TPM3: variants seen among roughly 807,000 people sequenced by gnomAD.
TPM3 encodes tropomyosin 3, also known as tropomyosin alpha-3 chain.
Under a neutral mutation model 43.1 loss-of-function variants are expected in TPM3, and 16 were observed. That is an observed-to-expected ratio of 0.37 (90% CI 0.25 to 0.56). TPM3 has a LOEUF of 0.56. TPM3 is among the 20% of genes least tolerant of loss of function. The pLI is 0.77. For missense variants in TPM3, 176 were observed against 337.2 expected, an observed-to-expected ratio of 0.52 and a Z score of 3.74; for synonymous variants, 101 against 116.9, an observed-to-expected ratio of 0.86 and a Z score of 0.88.
At chr1:154,183,324 T>C (rs1663198215) in intron 2 of TPM3, 4 of 1,467,120 alleles carry the variant, frequency 2.7e-6, no homozygotes, top group East Asian at 2.5e-5. Flanking sequence ...CGGCAGGGAG[T>C]GGATCCTCCC....
intron 2 of TPM3, among the ~76,000 whole-genome samples, chr1:154,177,228 TA>T (rs1340249147): frequency 1.3e-5 from 2 of 152,176 alleles, no homozygotes; most frequent in African/African-American, 2.4e-5. Context: ...TGCTTCTGGC[TA>T]AAATTATCTG....
Position 154,183,219 on chromosome 1 carries a change from A to G in TPM3, c.244-6971T>C, listed in dbSNP as rs938445056. On this transcript the variant is annotated intron_variant, in intron 2 of 9. Transcript: ENST00000651641. Reference sequence around the variant, plus strand: ...ACTTCCGCCTGCTACGCCCTGAAATACCGGAACTCACCAACCCGCCCGGAT... The same window carrying G: ...ACTTCCGCCTGCTACGCCCTGAAATGCCGGAACTCACCAACCCGCCCGGAT... 9.2e-5 allele frequency: 144 copies of G among 1,558,562 alleles called. No homozygotes were observed. The Admixed American group carries it at 9.4e-4, about 10-fold the overall frequency.
At position 154,191,587 on chromosome 1, in the gene TPM3, A is replaced by G. The variant is rs41265215; in HGVS notation, c.118-276T>C. On this transcript the variant is annotated intron_variant, in intron 1 of 9. Coordinates refer to ENST00000651641, the MANE Select transcript of TPM3 (RefSeq NM_152263.4). ...CTAAAGTGTAGATGCCCGTGATGCT[A>G]TTTGAGTGAAAAGAGATGCTCTTTC... is the stretch of plus-strand genomic sequence containing the variant. The G allele has an allele frequency of 0.027, 36,485 of 1,370,478 alleles. 558 individuals are homozygous for G. The highest frequency in any genetic ancestry group is 0.031 in the Non-Finnish European group (32,275 of 1,049,014). The allele number at this position is 1,370,478 out of a possible 1,614,324, so 84.9% of individuals were successfully genotyped here.
chr1:154,167,417 A>G lies in TPM3; in HGVS notation c.*520T>C. ...TTCAATGGCTTCTCAATGACACCAC[A>G]CCAAAGGAGGAATACCTGAAGAGAG... is the stretch of plus-strand genomic sequence containing the variant. On this transcript the variant is annotated 3_prime_UTR_variant, in exon 10 of 10. Transcript: ENST00000651641. The G allele has an allele frequency of 9.4e-7, 1 of 1,068,348 alleles. No homozygotes were observed. Among genetic ancestry groups the G allele is most frequent in the Non-Finnish European group, 1.1e-6 (1 of 880,360 alleles). The allele number at this position is 1,068,348 out of a possible 1,614,324, so 66.2% of individuals were successfully genotyped here. A position where few individuals can be genotyped will look rare whatever the true frequency, so the allele number is the denominator to read the frequency against.
downstream of TPM3, among the ~76,000 whole-genome samples, chr1:154,157,962 C>T (rs761250565): frequency 5.3e-5 from 8 of 152,172 alleles, no homozygotes; most frequent in Non-Finnish European, 8.8e-5. Flanking sequence ...GCCATTTCCT[C>T]TCCCTCCCAC....
downstream of TPM3, among the ~76,000 whole-genome samples, chr1:154,158,322 G>C (rs1344195326): frequency 1.3e-5 from 2 of 152,198 alleles, no homozygotes; most frequent in African/African-American, 2.4e-5. Context: ...CTATTGAACA[G>C]AACTAGCTTG....
chr1:154,173,417 C>A (rs1047281984), intron 3 of TPM3, among the ~76,000 whole-genome samples: 1 of 152,144 alleles, frequency 6.6e-6, no homozygotes, highest in Non-Finnish European at 1.5e-5. Flanking sequence ...ATAACCCCAG[C>A]ACTTTGGGAG....
At chr1:154,171,235 A>T in intron 6 of TPM3, 178 bp downstream of exon 6, 1 of 699,500 alleles carries the variant, frequency 1.4e-6, no homozygotes, top group Non-Finnish European at 2.5e-6. Flanking sequence ...TATTTTAATT[A>T]AAGCAATCAA....
chr1:154,179,669 C>T (rs755586409), intron 2 of TPM3, among the ~76,000 whole-genome samples: 2 of 152,192 alleles, frequency 1.3e-5, no homozygotes, highest in Admixed American at 6.5e-5. Context: ...CTGCCACCTC[C>T]GCCTCCAGGG....
chr1:154,174,366 G>GTGTATA (rs1553249306), intron 3 of TPM3, among the ~76,000 whole-genome samples: 7 of 14,976 alleles, frequency 4.7e-4, no homozygotes, highest in Admixed American at 1.4e-3. Context: ...TTAAATATAT[G>GTGTATA]TGTATATATA....
chr1:154,191,545 C>G, intron 1 of TPM3: 1 of 1,306,332 alleles, frequency 7.7e-7, no homozygotes, highest in Non-Finnish European at 1.0e-6. Context: ...CATCCAAGAC[C>G]CCTGGATGAT....
intron 2 of TPM3, among the ~76,000 whole-genome samples, chr1:154,184,932 G>T (rs1447783765): frequency 6.6e-6 from 1 of 151,540 alleles, no homozygotes; most frequent in Non-Finnish European, 1.5e-5. Context: ...AAAAACAGAC[G>T]ACTGTTACTA....
At chr1:154,170,924 A>G (rs1237419779) in intron 6 of TPM3, 8 of 591,740 alleles carry the variant, frequency 1.4e-5, no homozygotes, top group South Asian at 6.1e-5. Flanking sequence ...AAAATTCTCC[A>G]TGACTTTTTA....
rs1660693543 is a variant in TPM3, at chr1:154,164,067, C to G, written c.*3870G>C. On this transcript the variant is annotated 3_prime_UTR_variant, in exon 10 of 10. Transcript: ENST00000651641. Reference sequence around the variant, plus strand: ...TCACGCCCTAGAATTTTGTTTTCACCCAGATACCTGCCAGATTGTCAGCCG... The same window carrying G: ...TCACGCCCTAGAATTTTGTTTTCACGCAGATACCTGCCAGATTGTCAGCCG... Among the ~76,000 whole-genome samples, 1 of 152,132 alleles carries G rather than the reference C, an allele frequency of 6.6e-6. No individual in the cohort carries two copies. The highest frequency in any genetic ancestry group is 2.4e-5 in the African/African-American group (1 of 41,426).
downstream of TPM3, chr1:154,159,132 A>G: frequency 1.3e-6 from 1 of 745,638 alleles, no homozygotes; most frequent in Non-Finnish European, 2.5e-6. Flanking sequence ...AAGTTAGTAG[A>G]GTACCAGAAG....
rs115669605 is a variant in TPM3 at position 154,186,142 on chromosome 1, G to C, written c.243+5044C>G. Reference sequence around the variant, plus strand: ...GATTTTTCCCCCAGAAATTAGGAAGGAAGATCAGGGTTCTGACTCTTAATA... The same window carrying C: ...GATTTTTCCCCCAGAAATTAGGAAGCAAGATCAGGGTTCTGACTCTTAATA... On this transcript the variant is annotated intron_variant, in intron 2 of 9. Transcript: ENST00000651641. Among the ~76,000 whole-genome samples the C allele has an allele frequency of 4.4e-3, 671 of 151,700 alleles. 28 individuals carry two copies. The highest frequency in any genetic ancestry group is 0.014 in the Middle Eastern group (4 of 294).
intron 2 of TPM3, chr1:154,183,220 C>A (rs976492589): frequency 6.4e-7 from 1 of 1,559,392 alleles, no homozygotes; most frequent in African/African-American, 1.4e-5. Context: ...CCCTGAAATA[C>A]CGGAACTCAC....
At chr1:154,188,222 AT>A (rs1407250820) in intron 2 of TPM3, among the ~76,000 whole-genome samples, 8 of 151,422 alleles carry the variant, frequency 5.3e-5, no homozygotes, top group African/African-American at 2.0e-4. Flanking sequence ...CACCTGGCTA[AT>A]TTTTAAATTT....
intron 2 of TPM3, among the ~76,000 whole-genome samples, chr1:154,187,885 A>C (rs1034432073): frequency 4.0e-5 from 6 of 151,552 alleles, no homozygotes; most frequent in African/African-American, 4.9e-5. Context: ...TTCTATCTTC[A>C]TGCCCATATG....
Sources: gnomAD v4.1 joint callset for allele counts (sites outside exome capture counted in the v4.1 genomes callset) on GRCh38, gnomAD v4.1.1 for gene constraint, MANE v1.5 for transcripts, NCBI Gene and HGNC (gene_info 2026-07-23, HGNC 2026-07-21) for gene names.